DOCK4: variants seen among roughly 807,000 people sequenced by gnomAD.
DOCK4 encodes dedicator of cytokinesis protein 4.
DOCK4 carries 97 observed loss-of-function variants against 268.1 expected under a neutral mutation model. The ratio of observed to expected loss-of-function variants is 0.36; its 90% confidence interval spans 0.31 to 0.43. The LOEUF is 0.43. Among genes scored for constraint, DOCK4 ranks in the 20% least tolerant of loss-of-function variants. The pLI is 1.00. For missense variants in DOCK4, 2,145 were observed against 2,455.7 expected (o/e 0.87, Z 2.67); for synonymous variants, 954 against 887.2 (o/e 1.08, Z -1.34).
At chr7:112,181,827 C>T (rs1819073713) in intron 1 of DOCK4, among the ~76,000 whole-genome samples, 1 of 152,008 alleles carries the variant, frequency 6.6e-6, no homozygotes, top group Non-Finnish European at 1.5e-5. Flanking sequence ...AAAGGAAAAT[C>T]GTTTTCAGTG....
chr7:111,990,065 G>A (rs76051696), intron 5 of DOCK4, among the ~76,000 whole-genome samples: 3,138 of 152,172 alleles, frequency 0.021, 92 homozygotes, highest in East Asian at 0.12. Flanking sequence ...TTTTGTGCTT[G>A]TTTTTTTCAT....
chr7:111,832,674 C>G (rs547231732), intron 26 of DOCK4, among the ~76,000 whole-genome samples: 1 of 152,060 alleles, frequency 6.6e-6, no homozygotes, highest in South Asian at 2.1e-4. Context: ...ACTACAGGCA[C>G]GAGCCACCAT....
At chr7:111,850,357 T>C (rs965385444) in intron 23 of DOCK4, among the ~76,000 whole-genome samples, 2 of 151,902 alleles carry the variant, frequency 1.3e-5, no homozygotes, top group Admixed American at 6.6e-5. Flanking sequence ...CCCGACTCTG[T>C]TCCTTGGCTA....
intron 27 of DOCK4, 122 bp from the exon 28 acceptor site, chr7:111,812,071 A>G: frequency 1.9e-6 from 1 of 518,936 alleles, no homozygotes. Flanking sequence ...GAGCAATATT[A>G]AATAATTCAT....
At chr7:112,198,399 G>C (rs1466769928) in intron 1 of DOCK4, among the ~76,000 whole-genome samples, 1 of 152,186 alleles carries the variant, frequency 6.6e-6, no homozygotes, top group Admixed American at 6.5e-5. Flanking sequence ...AAACTATCCA[G>C]TCTATATTTG....
intron 1 of DOCK4, among the ~76,000 whole-genome samples, chr7:112,185,100 T>A (rs569577181): frequency 6.6e-6 from 1 of 152,116 alleles, no homozygotes; most frequent in South Asian, 2.1e-4. Flanking sequence ...AAAGAATCTA[T>A]AGGAAATCAA....
intron 1 of DOCK4, among the ~76,000 whole-genome samples, chr7:112,010,115 C>T (rs763807385): frequency 2.4e-4 from 37 of 152,198 alleles, no homozygotes; most frequent in Non-Finnish European, 4.7e-4. Context: ...CCATGCCTGG[C>T]CAAGGAGAAC....
chr7:112,185,500 A>G (rs57104455), intron 1 of DOCK4, among the ~76,000 whole-genome samples: 4,739 of 152,238 alleles, frequency 0.031, 237 homozygotes, highest in African/African-American at 0.11. Context: ...GGAATAGGGT[A>G]GTATTCTACA....
chr7:112,073,278 C>T (rs1222247845), intron 1 of DOCK4, among the ~76,000 whole-genome samples: 1 of 151,954 alleles, frequency 6.6e-6, no homozygotes, highest in Non-Finnish European at 1.5e-5. Context: ...CAGTAATAAT[C>T]CCACTACTGG....
intron 16 of DOCK4, among the ~76,000 whole-genome samples, chr7:111,886,468 C>G (rs1807854454): frequency 6.6e-6 from 1 of 152,156 alleles, no homozygotes; most frequent in African/African-American, 2.4e-5. Flanking sequence ...GATTACAACA[C>G]TGGGATAAAG....
At chr7:111,821,132 C>T (rs1242086872) in intron 27 of DOCK4, 1 of 152,168 alleles carries the variant, frequency 6.6e-6, no homozygotes, top group African/African-American at 2.4e-5. Context: ...TTTAACACAT[C>T]ATTTTAACAC....
At chr7:112,101,783 G>A (rs1231080327) in intron 1 of DOCK4, among the ~76,000 whole-genome samples, 1 of 151,194 alleles carries the variant, frequency 6.6e-6, no homozygotes, top group Non-Finnish European at 1.5e-5. Context: ...TTTTTTGCTC[G>A]GCCCTTATCC....
chr7:112,170,347 G>A (rs1817980984), intron 1 of DOCK4, among the ~76,000 whole-genome samples: 1 of 151,918 alleles, frequency 6.6e-6, no homozygotes, highest in Non-Finnish European at 1.5e-5. Flanking sequence ...TATAATCCCA[G>A]CTACTCAGGA....
chr7:111,862,372 A>C (rs1330392516), intron 23 of DOCK4, among the ~76,000 whole-genome samples: 1 of 151,464 alleles, frequency 6.6e-6, no homozygotes, highest in African/African-American at 2.4e-5. Flanking sequence ...TCTATCCTTA[A>C]ATGTATGTAT....
intron 27 of DOCK4, among the ~76,000 whole-genome samples, chr7:111,815,891 G>A (rs1172261805): frequency 2.0e-5 from 3 of 152,126 alleles, no homozygotes; most frequent in South Asian, 2.1e-4. Context: ...GGCTGGTCTC[G>A]AACTCCTGAC....
intron 1 of DOCK4, among the ~76,000 whole-genome samples, chr7:112,069,566 G>C (rs1041264169): frequency 4.6e-5 from 7 of 152,286 alleles, no homozygotes; most frequent in African/African-American, 1.7e-4. Flanking sequence ...GGGTCGTTCT[G>C]AGGACTTAAT....
chr7:111,944,725 G>T (rs1476736630), intron 10 of DOCK4, 86 bp downstream of exon 10: 1 of 1,252,598 alleles, frequency 8.0e-7, no homozygotes, highest in Non-Finnish European at 1.2e-6. Context: ...GATTCAGACA[G>T]CAATAAATCA....
At chr7:111,765,009 C>A in intron 39 of DOCK4, 109 bp downstream of exon 39, 1 of 491,104 alleles carries the variant, frequency 2.0e-6, no homozygotes. Flanking sequence ...TAAAAAAAGT[C>A]TCATGCATAT....
intron 1 of DOCK4, among the ~76,000 whole-genome samples, chr7:112,151,054 T>C (rs1019428533): frequency 1.3e-5 from 2 of 152,154 alleles, no homozygotes; most frequent in Non-Finnish European, 2.9e-5. Context: ...TAAGTGACTT[T>C]CCATGATAGG....
Sources: allele counts gnomAD v4.1 joint callset (sites outside exome capture counted in the v4.1 genomes callset), GRCh38; gene constraint gnomAD v4.1.1; transcripts MANE v1.5; gene names NCBI Gene and HGNC (gene_info 2026-07-23, HGNC 2026-07-21).